TET1: variants seen among roughly 807,000 people sequenced by gnomAD.
The protein encoded by TET1 is methylcytosine dioxygenase TET1.
A neutral mutation model predicts 148.7 loss-of-function variants in TET1; 13 were observed. That is an observed-to-expected ratio of 0.09 (90% CI 0.06 to 0.14). The LOEUF is 0.14. TET1 is among the 10% of genes least tolerant of loss of function. TET1 has a pLI of 1.00. For synonymous variants in TET1, 907 were observed against 937.2 expected (o/e 0.97, Z 0.59); for missense variants, 2,182 against 2,553.8 (o/e 0.85, Z 3.14).
At position 68,573,886 on chromosome 10, in the gene TET1, A is replaced by T; in HGVS notation, c.1548A>T (p.Pro516=). ...TGCCAGCTAACACTCAGGGGTTCCC[A>T]TTAGCCCCTGAGAGAGGACTCTTCC... ...SFLPANTQGF[P]LAPERGLFHA... The change falls in exon 2 of 12, where the codon CCA becomes CCT. Residue 516 remains proline (P), a synonymous_variant. Coordinates refer to ENST00000373644, the MANE Select transcript of TET1 (RefSeq NM_030625.3). 6.2e-7 allele frequency: 1 copy of T among 1,614,166 alleles called. No individual in the cohort carries two copies. The highest frequency in any genetic ancestry group is 8.5e-7 in the Non-Finnish European group (1 of 1,180,022).
In TET1 at chr10:68,667,200, G is replaced by T; in HGVS notation, c.4617G>T (p.Glu1539Asp). The change falls in exon 7 of 12, where the codon GAG (glutamate) becomes GAT (aspartate). Residue 1539 changes from glutamate (E) to aspartate (D), a missense_variant. Physicochemically the swap from Glu to Asp is conservative, Grantham distance 45. Around this residue, in one of 11 missense-constraint regions of TET1, gnomAD observed 169 missense variants for 263.7 expected, o/e 0.64. Transcript: ENST00000373644. ...MADRLYTELTENLKSYNGHPT... is the reference protein window; with the variant it reads ...MADRLYTELTDNLKSYNGHPT... ...ACCGGCTATACACAGAGCTCACAGA[G>T]AATCTAAAGTCATACAATGGGCACC... The T allele has an allele frequency of 6.2e-7, 1 of 1,614,014 alleles. No homozygotes were observed. Among genetic ancestry groups the T allele is most frequent in the African/African-American group, 1.3e-5 (1 of 75,000 alleles).
chr10:68,671,617 G>T (rs1389614381), intron 7 of TET1, among the ~76,000 whole-genome samples: 1 of 152,044 alleles, frequency 6.6e-6, no homozygotes, highest in East Asian at 1.9e-4. Flanking sequence ...AGAATATATG[G>T]TACTTTCGTT....
chr10:68,648,129 T>G (rs2054879863), intron 4 of TET1, among the ~76,000 whole-genome samples: 1 of 152,210 alleles, frequency 6.6e-6, no homozygotes, highest in African/African-American at 2.4e-5. Context: ...CCCTAACCAA[T>G]GTATTTCTAC....
chr10:68,625,734 C>G (rs1454886084), intron 3 of TET1, among the ~76,000 whole-genome samples: 1 of 152,116 alleles, frequency 6.6e-6, no homozygotes, highest in East Asian at 1.9e-4. Context: ...CTCTGGAATT[C>G]ATACTATTGA....
chr10:68,604,977 G>A (rs1394093101), intron 3 of TET1, among the ~76,000 whole-genome samples: 1 of 152,142 alleles, frequency 6.6e-6, no homozygotes, highest in Non-Finnish European at 1.5e-5. Context: ...ATATTTTCTA[G>A]CTATTTAATT....
intron 3 of TET1, among the ~76,000 whole-genome samples, chr10:68,630,148 G>C (rs546132770): frequency 2.6e-4 from 40 of 152,306 alleles, no homozygotes; most frequent in African/African-American, 8.9e-4. Flanking sequence ...GGGCTGGATG[G>C]AAGAGGTGCT....
chr10:68,694,089 C>T lies in TET1; in HGVS notation c.*2275C>T. The stretch of plus-strand genomic sequence containing the variant: ...TATGCAGTAATTCAAATTGATCTCT[C>T]TCTCAATAGGTTTCTTAACAATCTA... On this transcript the variant is annotated 3_prime_UTR_variant, in exon 12 of 12. Transcript: ENST00000373644. 4.3e-6 allele frequency: 1 copy of T among 232,368 alleles called. No homozygotes were observed. The highest frequency in any genetic ancestry group is 8.5e-6 in the Non-Finnish European group (1 of 117,540). 14.4% of individuals were successfully genotyped at this position (232,368 alleles called of 1,614,324 possible). A position where few individuals can be genotyped will look rare whatever the true frequency, so the allele number is the denominator to read the frequency against.
At chr10:68,681,705 G>A (rs1331518660) in intron 9 of TET1, among the ~76,000 whole-genome samples, 3 of 152,044 alleles carry the variant, frequency 2.0e-5, no homozygotes, top group East Asian at 1.9e-4. Context: ...GTTAGCTCAC[G>A]CCTGTAATCC....
chr10:68,611,970 T>A (rs1463526727), intron 3 of TET1, among the ~76,000 whole-genome samples: 1 of 152,044 alleles, frequency 6.6e-6, no homozygotes, highest in Non-Finnish European at 1.5e-5. Flanking sequence ...CTTGGTATAT[T>A]CACTTGATAG....
intron 6 of TET1, among the ~76,000 whole-genome samples, chr10:68,654,093 GC>G (rs2054982462): frequency 3.0e-5 from 1 of 33,892 alleles, no homozygotes; most frequent in Non-Finnish European, 6.2e-5. Context: ...GGCAACAAGA[GC>G]AAAAATGTCT....
At chr10:68,689,912 A>G (rs975744533) in intron 11 of TET1, among the ~76,000 whole-genome samples, 1 of 152,188 alleles carries the variant, frequency 6.6e-6, no homozygotes, top group African/African-American at 2.4e-5. Context: ...CTCCTTCCTT[A>G]ATGAGAAGGA....
Position 68,573,246 on chromosome 10 carries a change from A to T in TET1, c.908A>T (p.Asn303Ile), listed in dbSNP as rs769461023. The change falls in exon 2 of 12, where the codon AAT (asparagine) becomes ATT (isoleucine). Residue 303 changes from asparagine to isoleucine, a missense_variant. Around this residue, in one of 11 missense-constraint regions of TET1, gnomAD observed 665 missense variants for 672.4 expected, o/e 0.99. Coordinates refer to ENST00000373644, the MANE Select transcript of TET1 (RefSeq NM_030625.3). ...EHDCYPTSSL[N>I]KVIPDLNLRN... ...GATTGCTACCCCACCTCCAGTCTTA[A>T]TAAGGTTATACCTGACTTGAACCTT... 4.1e-5 allele frequency: 66 copies of T among 1,613,882 alleles called. No individual in the cohort carries two copies. The highest frequency in any genetic ancestry group is 5.4e-5 in the Non-Finnish European group (64 of 1,180,000).
rs760662405 is a variant in TET1, at chr10:68,573,559, G to A, written c.1221G>A (p.Glu407=). Residue 407 remains glutamate, a synonymous_variant, in exon 2 of 12, where the codon GAG becomes GAA. Transcript: ENST00000373644. ...EIPGAIPVQG[E]VFGTILDQQE... is the part of the protein sequence containing the mutation. ...CTGGTGCTATTCCAGTCCAAGGAGA[G>A]GTCTTTGGTACTATTTTAGACCAAC... 8.1e-6 allele frequency: 13 copies of A among 1,614,162 alleles called. No homozygotes were observed. The South Asian group carries it at 1.2e-4, about 15-fold the overall frequency.
At chr10:68,669,317 T>A (rs1228450959) in intron 7 of TET1, among the ~76,000 whole-genome samples, 1 of 151,780 alleles carries the variant, frequency 6.6e-6, no homozygotes, top group Non-Finnish European at 1.5e-5. Context: ...TTTTTTTTCC[T>A]TTTTTCTTTT....
At chr10:68,584,319 G>A (rs1193732631) in intron 2 of TET1, among the ~76,000 whole-genome samples, 2 of 151,714 alleles carry the variant, frequency 1.3e-5, no homozygotes, top group African/African-American at 4.8e-5. Context: ...TGGGATTACA[G>A]GAGTGAGCCA....
intron 11 of TET1, among the ~76,000 whole-genome samples, chr10:68,688,924 GTTTA>G (rs1229920800): frequency 1.3e-5 from 2 of 152,170 alleles, no homozygotes; most frequent in African/African-American, 2.4e-5. Context: ...ATGAGAAGCT[GTTTA>G]TTTGTTTTTA....
At chr10:68,624,504 G>T (rs2054424259) in intron 3 of TET1, among the ~76,000 whole-genome samples, 1 of 151,612 alleles carries the variant, frequency 6.6e-6, no homozygotes, top group Non-Finnish European at 1.5e-5. Flanking sequence ...GGTCAGGCTG[G>T]TCTGGAACTC....
intron 8 of TET1, among the ~76,000 whole-genome samples, chr10:68,680,015 A>T (rs2055415398): frequency 6.6e-6 from 1 of 152,204 alleles, no homozygotes; most frequent in Non-Finnish European, 1.5e-5. Context: ...AGATAAAAGT[A>T]GCCTGATTAA....
chr10:68,611,606 C>T (rs1300415944), intron 3 of TET1, among the ~76,000 whole-genome samples: 2 of 152,086 alleles, frequency 1.3e-5, no homozygotes, highest in East Asian at 3.9e-4. Context: ...GAGTTGTAAT[C>T]ATGCTACTGC....
Sources: gnomAD v4.1 joint callset for allele counts (sites outside exome capture counted in the v4.1 genomes callset) on GRCh38, gnomAD v4.1.1 for gene constraint, gnomAD v4.1.1 regional missense constraint, MANE v1.5 for transcripts, NCBI Gene and HGNC (gene_info 2026-07-23, HGNC 2026-07-21) for gene names.